The following LRP1B variants were observed in gnomAD, a reference collection of about 807,000 sequenced individuals.
The protein encoded by LRP1B is LDL receptor related protein 1B, also known as low-density lipoprotein receptor-related protein 1B.
A neutral mutation model predicts 556.6 loss-of-function variants in LRP1B; 217 were observed. The ratio of observed to expected loss-of-function variants is 0.39; its 90% CI spans 0.35 to 0.44. The LOEUF (loss-of-function observed/expected upper bound fraction) is 0.44, where lower values mean the gene tolerates loss of function less well. Ranked by LOEUF, LRP1B falls within the 20% of genes least tolerant of loss-of-function variation. The pLI is 1.00. For missense variants in LRP1B, 5,053 were observed against 5,620.8 expected (o/e 0.90, Z 3.23); for synonymous variants, 2,047 against 1,865.8 (o/e 1.10, Z -2.50).
chr2:141,650,276 C>G (rs1459016397), intron 2 of LRP1B, among the ~76,000 whole-genome samples: 1 of 152,118 alleles, frequency 6.6e-6, no homozygotes, highest in Non-Finnish European at 1.5e-5. Context: ...TAATCTAAAA[C>G]AGATGTGGGG....
intron 1 of LRP1B, among the ~76,000 whole-genome samples, chr2:142,022,677 T>A (rs1231323585): frequency 2.0e-5 from 3 of 152,078 alleles, no homozygotes; most frequent in Non-Finnish European, 2.9e-5. Context: ...TTTATTTATT[T>A]ATTTATTTTT....
intron 3 of LRP1B, among the ~76,000 whole-genome samples, chr2:141,328,328 A>G (rs1457223422): frequency 6.7e-6 from 1 of 149,706 alleles, no homozygotes; most frequent in Non-Finnish European, 1.5e-5. Context: ...AAGGAAGCCT[A>G]TCTTAATGAG....
intron 2 of LRP1B, among the ~76,000 whole-genome samples, chr2:141,598,805 A>G (rs1490876358): frequency 6.6e-6 from 1 of 152,120 alleles, no homozygotes; most frequent in Admixed American, 6.6e-5. Context: ...AGGAGTGTAC[A>G]GAACCCAGAG....
At chr2:140,844,523 A>G (rs1692217741) in intron 29 of LRP1B, among the ~76,000 whole-genome samples, 1 of 151,788 alleles carries the variant, frequency 6.6e-6, no homozygotes, top group East Asian at 1.9e-4. Flanking sequence ...CATCATAAGC[A>G]TATGGGGGTG....
At chr2:142,039,606 G>A (rs1293448814) in intron 1 of LRP1B, among the ~76,000 whole-genome samples, 1 of 151,524 alleles carries the variant, frequency 6.6e-6, no homozygotes, top group Non-Finnish European at 1.5e-5. Flanking sequence ...GGAATAGTGT[G>A]TTTGTGTGAT....
chr2:140,630,802 G>A (rs181839249), intron 41 of LRP1B, among the ~76,000 whole-genome samples: 117 of 152,224 alleles, frequency 7.7e-4, no homozygotes, highest in Non-Finnish European at 1.3e-3. Flanking sequence ...CTGGAGAAGG[G>A]CAATTACCCA....
intron 3 of LRP1B, among the ~76,000 whole-genome samples, chr2:141,423,290 CTTTTT>C (rs1176569388): frequency 2.9e-5 from 2 of 68,384 alleles, no homozygotes; most frequent in African/African-American, 5.1e-5. Context: ...ACAGCCAGAG[CTTTTT>C]TTTTTTTTTT....
At position 141,639,524 on chromosome 2, in the gene LRP1B, G is replaced by GT. The variant is rs959219809; in HGVS notation, c.206-158992dup. ...CTCTGTATAGCCATATTTAAAGCAA[G>GT]TTTTTTTTGCATGTTCACCAGGAGC... On this transcript the variant is annotated intron_variant, in intron 2 of 90. Coordinates refer to ENST00000389484, the MANE Select transcript of LRP1B (RefSeq NM_018557.3). Among the ~76,000 whole-genome samples, 9 of 148,804 alleles carry GT rather than the reference G, an allele frequency of 6.0e-5. No homozygotes were observed. In the East Asian group the frequency reaches 1.2e-3, roughly 20 times the overall value.
rs1201966586 is a variant in LRP1B, at chr2:141,348,158, A to T, written c.344-93517T>A. On this transcript the variant is annotated intron_variant, in intron 3 of 90. Transcript: ENST00000389484. ...ATCTAACATTTATGCACTAACTGCT[A>T]TGTCTGAATCAGCTTTTCCCGTTGT... Among the ~76,000 whole-genome samples, 3 of 152,198 alleles carry T rather than the reference A, an allele frequency of 2.0e-5. No individual in the cohort carries two copies. In the East Asian group the frequency reaches 5.8e-4, roughly 29 times the overall value.
chr2:140,838,639 C>T (rs956650971), intron 31 of LRP1B, among the ~76,000 whole-genome samples: 8 of 151,994 alleles, frequency 5.3e-5, no homozygotes, highest in Non-Finnish European at 8.8e-5. Flanking sequence ...TATATTGATT[C>T]TTTTCCCAGA....
chr2:141,212,259 T>C (rs1035020001), intron 6 of LRP1B, among the ~76,000 whole-genome samples: 50 of 34,158 alleles, frequency 1.5e-3, no homozygotes, highest in Middle Eastern at 0.012. Flanking sequence ...ATTTTTTTTT[T>C]TTTTTTTTTT....
At chr2:141,693,861 T>C (rs1231822548) in intron 2 of LRP1B, among the ~76,000 whole-genome samples, 5 of 152,040 alleles carry the variant, frequency 3.3e-5, no homozygotes, top group Non-Finnish European at 7.4e-5. Flanking sequence ...TGTAGATGGA[T>C]AAAGCCTTCT....
rs1422674547 is a variant in LRP1B, at chr2:140,323,953, C to T, written c.12454G>A (p.Ala4152Thr). The change falls in exon 81 of 91, where the codon GCT (alanine) becomes ACT (threonine). Residue 4152 changes from alanine to threonine, a missense_variant. Physicochemically the swap from Ala to Thr is moderately conservative, Grantham distance 58. This residue lies in a region of LRP1B where 551 missense variants were observed against 592.0 expected (regional missense o/e 0.93). Coordinates refer to ENST00000389484, the MANE Select transcript of LRP1B (RefSeq NM_018557.3). ...KFGHGSVEYL[A>T]LNIDKTKGVL... ...CCTTTTGTTTTATCAATATTTAAAG[C>T]TAAGTACTCTACTGAACCATGGCCA... The T allele has an allele frequency of 1.3e-6, 2 of 1,594,878 alleles. No individual in the cohort carries two copies. Among genetic ancestry groups the T allele is most frequent in the Non-Finnish European group, 8.6e-7 (1 of 1,163,502 alleles).
intron 57 of LRP1B, among the ~76,000 whole-genome samples, chr2:140,491,483 G>T (rs1688697693): frequency 6.6e-6 from 1 of 151,846 alleles, no homozygotes; most frequent in Non-Finnish European, 1.5e-5. Flanking sequence ...TTTATAGAAA[G>T]ACTTAGAAGG....
chr2:141,190,764 T>A (rs987338156), intron 6 of LRP1B, among the ~76,000 whole-genome samples: 17 of 152,000 alleles, frequency 1.1e-4, no homozygotes, highest in African/African-American at 3.9e-4. Flanking sequence ...GAACTTAGAA[T>A]GAATCTATGA....
intron 7 of LRP1B, among the ~76,000 whole-genome samples, chr2:141,136,379 G>T (rs1701492552): frequency 6.6e-6 from 1 of 151,808 alleles, no homozygotes; most frequent in Admixed American, 6.6e-5. Context: ...ATGAAAATCA[G>T]ATTCCTAAGT....
chr2:140,687,190 G>C lies in LRP1B; in HGVS notation c.6799+13060C>G, dbSNP rs147300232. On this transcript the variant is annotated intron_variant, in intron 41 of 90. Coordinates refer to ENST00000389484, the MANE Select transcript of LRP1B (RefSeq NM_018557.3). ...GAGGAAAAGTAGAAGGAAGACCATT[G>C]GGCTTAAATTGCCCAAGGAAATGGA... 6.4e-3 allele frequency among the ~76,000 whole-genome samples: 976 copies of C among 152,088 alleles called. 11 individuals carry two copies. The highest frequency in any genetic ancestry group is 0.021 in the African/African-American group (872 of 41,500).
chr2:142,073,172 T>C (rs980178), intron 1 of LRP1B, among the ~76,000 whole-genome samples: 31,463 of 151,870 alleles, frequency 0.21, 3,485 homozygotes, highest in Middle Eastern at 0.43. Flanking sequence ...TAGGACTATA[T>C]TTCTATATAT....
chr2:141,752,907 G>A (rs558060611), intron 2 of LRP1B, among the ~76,000 whole-genome samples: 24 of 120,724 alleles, frequency 2.0e-4, no homozygotes, highest in Admixed American at 6.2e-4. Context: ...TCATGCCACT[G>A]AACTCCAGCC....
Sources: gnomAD v4.1 joint callset for allele counts (sites outside exome capture counted in the v4.1 genomes callset) on GRCh38, gnomAD v4.1.1 for gene constraint, gnomAD v4.1.1 regional missense constraint, MANE v1.5 for transcripts, NCBI Gene and HGNC (gene_info 2026-07-23, HGNC 2026-07-21) for gene names.